The following C2CD5 variants were observed in gnomAD, a reference collection of about 807,000 sequenced individuals.
The protein encoded by C2CD5 is C2 calcium dependent domain containing 5.
C2CD5 carries 109 observed loss-of-function variants against 130.3 expected under a neutral mutation model. That is an observed-to-expected ratio of 0.84 (90% CI 0.72 to 0.98). The LOEUF (loss-of-function observed/expected upper bound fraction) is 0.98, where lower values mean the gene tolerates loss of function less well. C2CD5 is among the 50% of genes least tolerant of loss of function. The pLI, the probability that C2CD5 is intolerant of heterozygous loss-of-function variation, is 0.00. For synonymous variants in C2CD5, 454 were observed against 429.2 expected (o/e 1.06, Z -0.71); for missense variants, 996 against 1,261.8 (o/e 0.79, Z 3.19).
Position 22,471,494 on chromosome 12 carries a change from C to T in C2CD5, c.2269-6G>A, listed in dbSNP as rs765136503. The T allele has an allele frequency of 5.3e-6, 8 of 1,508,086 alleles. No homozygotes were observed. The highest frequency in any genetic ancestry group is 1.4e-5 in the African/African-American group (1 of 71,366). The allele number at this position is 1,508,086 out of a possible 1,614,324, so 93.4% of individuals were successfully genotyped here. A position where few individuals can be genotyped will look rare whatever the true frequency, so the allele number is the denominator to read the frequency against. On this transcript the variant is annotated splice_polypyrimidine_tract_variant and splice_region_variant and intron_variant, in intron 19 of 26. Coordinates refer to ENST00000446597, the MANE Select transcript of C2CD5 (RefSeq NM_001286176.2). ...CGTAGTTTAAAGTACAGGCTCTACACAATAGAAAATATTAGTAATGTCACT... is the reference window on the plus strand; with the variant it reads ...CGTAGTTTAAAGTACAGGCTCTACATAATAGAAAATATTAGTAATGTCACT...
chr12:22,536,143 C>CAAA (rs10645576), intron 2 of C2CD5, among the ~76,000 whole-genome samples: 4 of 127,332 alleles, frequency 3.1e-5, no homozygotes, highest in Admixed American at 8.2e-5. Flanking sequence ...TTCTTCAGCA[C>CAAA]AAAAAAAAAA....
intron 5 of C2CD5, among the ~76,000 whole-genome samples, chr12:22,525,359 T>C (rs1950632772): frequency 1.3e-5 from 2 of 152,196 alleles, no homozygotes; most frequent in African/African-American, 4.8e-5. Flanking sequence ...GCTCCTTTCT[T>C]TTAGTGTCCT....
chr12:22,503,114 T>C (rs909471283), intron 10 of C2CD5, among the ~76,000 whole-genome samples: 10 of 152,326 alleles, frequency 6.6e-5, no homozygotes, highest in Admixed American at 6.5e-4. Flanking sequence ...GCCTCCAAAA[T>C]AATAATCCAT....
chr12:22,544,435 A>G lies in C2CD5; in HGVS notation c.-145T>C. ...TCCCGGCCCCACAAGGCTGGGACGA[A>G]AAGCAAAACCCAGTCAGCATCCCGT... On this transcript the variant is annotated 5_prime_UTR_variant, in exon 1 of 27. Transcript: ENST00000446597. The G allele has an allele frequency of 3.4e-6, 1 of 297,530 alleles. No homozygotes were observed. 18.4% of individuals were successfully genotyped at this position (297,530 alleles called of 1,614,324 possible).
chr12:22,485,352 TA>T (rs1945338912), intron 12 of C2CD5, among the ~76,000 whole-genome samples: 1 of 151,556 alleles, frequency 6.6e-6, no homozygotes, highest in Non-Finnish European at 1.5e-5. Flanking sequence ...GGCTAATGGG[TA>T]CAAAAAAATA....
At chr12:22,515,153 G>A in intron 8 of C2CD5, 1 of 983,420 alleles carries the variant, frequency 1.0e-6, no homozygotes, top group Non-Finnish European at 1.2e-6. Context: ...GTAAGGTGCT[G>A]TGGAGGAAAG....
At chr12:22,481,648 C>G (rs946749418) in intron 14 of C2CD5, among the ~76,000 whole-genome samples, 4 of 144,976 alleles carry the variant, frequency 2.8e-5, no homozygotes, top group Admixed American at 6.8e-5. Flanking sequence ...AAGAAACACA[C>G]CTTTTTTTTT....
chr12:22,501,762 G>C (rs962919564), intron 10 of C2CD5, among the ~76,000 whole-genome samples: 1 of 151,984 alleles, frequency 6.6e-6, no homozygotes, highest in Non-Finnish European at 1.5e-5. Flanking sequence ...TGATGAACAT[G>C]ATTTACTTCA....
chr12:22,506,191 T>C (rs1200982777), intron 10 of C2CD5, among the ~76,000 whole-genome samples: 5 of 152,128 alleles, frequency 3.3e-5, no homozygotes, highest in Admixed American at 6.6e-5. Flanking sequence ...ATAGGTCTTG[T>C]TGTGTTGCCC....
At chr12:22,477,724 T>A (rs1292227954) in intron 15 of C2CD5, among the ~76,000 whole-genome samples, 1 of 152,160 alleles carries the variant, frequency 6.6e-6, no homozygotes, top group Non-Finnish European at 1.5e-5. Flanking sequence ...GAGGCAGCAT[T>A]GTGATACTTA....
At position 22,527,751 on chromosome 12, in the gene C2CD5, C is replaced by T. The variant is rs766511316; in HGVS notation, c.319G>A (p.Gly107Arg). ...ATGGTGTCATAAATTGGAAACCATC[C>T]TGAGATGACTGTTGCAGCTTCACTA... ...LYSEAATVISGWFPIYDTIHG... is the reference protein window; with the variant it reads ...LYSEAATVISRWFPIYDTIHG... The change falls in exon 4 of 27, where the codon GGA becomes AGA. Residue 107 changes from glycine (G) to arginine (R), a missense_variant. By Grantham distance (125) the Gly-to-Arg change is moderately radical. Around this residue, in one of 9 missense-constraint regions of C2CD5, gnomAD observed 68 missense variants for 154.5 expected, o/e 0.44. Coordinates refer to ENST00000446597, the MANE Select transcript of C2CD5 (RefSeq NM_001286176.2). 1.3e-6 allele frequency: 2 copies of T among 1,594,346 alleles called. No individual in the cohort carries two copies. Among genetic ancestry groups the T allele is most frequent in the Non-Finnish European group, 1.7e-6 (2 of 1,168,208 alleles).
At chr12:22,469,826 G>T in intron 21 of C2CD5, 31 bp from the exon 22 acceptor site, 1 of 1,288,228 alleles carries the variant, frequency 7.8e-7, no homozygotes, top group Non-Finnish European at 1.1e-6. Context: ...CAGTTATTTA[G>T]TAATGATCTA....
intron 9 of C2CD5, among the ~76,000 whole-genome samples, chr12:22,509,541 T>G (rs1054300552): frequency 6.6e-6 from 1 of 152,160 alleles, no homozygotes; most frequent in Non-Finnish European, 1.5e-5. Context: ...AAACACAAAA[T>G]TTAACCTATA....
intron 22 of C2CD5, among the ~76,000 whole-genome samples, chr12:22,468,174 G>A (rs1271760237): frequency 6.7e-6 from 1 of 150,238 alleles, no homozygotes. Flanking sequence ...TCTGTATAAA[G>A]TAGATGTTAA....
chr12:22,472,497 T>A (rs1943199786), intron 17 of C2CD5, 150 bp from the exon 18 acceptor site: 1 of 616,468 alleles, frequency 1.6e-6, no homozygotes, highest in Admixed American at 3.3e-5. Flanking sequence ...CTTTAAACCA[T>A]CCTAATAAAT....
chr12:22,454,637 G>A (rs1053130046), intron 25 of C2CD5, among the ~76,000 whole-genome samples: 8 of 148,152 alleles, frequency 5.4e-5, no homozygotes, highest in African/African-American at 2.0e-4. Flanking sequence ...AATGTCTTCC[G>A]AGATACCTTC....
intron 7 of C2CD5, among the ~76,000 whole-genome samples, chr12:22,520,059 T>C (rs1456613462): frequency 6.6e-6 from 1 of 152,156 alleles, no homozygotes; most frequent in Non-Finnish European, 1.5e-5. Flanking sequence ...TATATTGATA[T>C]ATAAGATTTG....
At chr12:22,477,615 G>A (rs905847745) in intron 15 of C2CD5, among the ~76,000 whole-genome samples, 2 of 152,010 alleles carry the variant, frequency 1.3e-5, no homozygotes, top group Non-Finnish European at 2.9e-5. Flanking sequence ...TTTTGTGAAA[G>A]TCTTTCATTA....
At chr12:22,521,364 G>C (rs945935662) in intron 7 of C2CD5, among the ~76,000 whole-genome samples, 1 of 152,096 alleles carries the variant, frequency 6.6e-6, no homozygotes, top group Admixed American at 6.5e-5. Flanking sequence ...AGGAGAAAAC[G>C]TATACAATCC....
Sources: allele counts gnomAD v4.1 joint callset (sites outside exome capture counted in the v4.1 genomes callset), GRCh38; gene constraint gnomAD v4.1.1; regional missense constraint gnomAD v4.1.1; transcripts MANE v1.5; gene names NCBI Gene and HGNC (gene_info 2026-07-23, HGNC 2026-07-21).